Variants in APC2 observed in about 807,000 individuals in gnomAD.
APC2 encodes the protein adenomatous polyposis coli protein 2.
APC2 carries 41 observed loss-of-function variants against 72.5 expected under a neutral mutation model. The observed-to-expected ratio is 0.57, with a 90% CI of 0.44 to 0.73. APC2 has a LOEUF of 0.73. APC2 is among the 30% of genes least tolerant of loss of function. The pLI is 0.00. For missense variants in APC2, 3,729 were observed against 3,403.4 expected, an observed-to-expected ratio of 1.10 and a Z score of -2.38; for synonymous variants, 1,898 against 1,612.0, an observed-to-expected ratio of 1.18 and a Z score of -4.25.
chr19:1,469,190 G>A lies in APC2; in HGVS notation c.5889G>A (p.Pro1963=). ...PRGRAGTEAG[P]GARGGRLGLV... is the part of the protein sequence containing the mutation. ...GCCGGGCGGGGACCGAGGCGGGCCCGGGGGCGCGCGGGGGCCGCCTGGGCC... is the reference window on the plus strand; with the variant it reads ...GCCGGGCGGGGACCGAGGCGGGCCCAGGGGCGCGCGGGGGCCGCCTGGGCC... The change falls in exon 15 of 15, where the codon CCG becomes CCA. Residue 1963 remains proline, a synonymous_variant. Coordinates refer to ENST00000590469, the MANE Select transcript of APC2 (RefSeq NM_005883.3). The A allele has an allele frequency of 7.8e-7, 1 of 1,285,626 alleles. No homozygotes were observed. The highest frequency in any genetic ancestry group is 9.8e-7 in the Non-Finnish European group (1 of 1,015,346). The allele number at this position is 1,285,626 out of a possible 1,614,324, so 79.6% of individuals were successfully genotyped here.
intron 2 of APC2, 37 bp from the exon 3 acceptor site, chr19:1,453,210 G>A (rs1309650904): frequency 1.4e-5 from 22 of 1,561,056 alleles, no homozygotes; most frequent in Middle Eastern, 1.7e-4. Context: ...CCAGTGCAGT[G>A]GCTGATGGCT....
Position 1,453,260 on chromosome 19 carries a change from A to G in APC2, c.155A>G (p.His52Arg). Reference protein sequence around the residue: ...ETSGMKEVLKHLQGKLEQEAR... With the variant: ...ETSGMKEVLKRLQGKLEQEAR... ...CCGCCCCTGCAGGAGGTCCTGAAGC[A>G]CCTACAGGGAAAACTGGAGCAGGAG... The change falls in exon 3 of 15, where the codon CAC becomes CGC. Residue 52 changes from histidine (H) to arginine (R), a missense_variant. By Grantham distance (29) the His-to-Arg change is conservative. Transcript: ENST00000590469. 2.6e-6 allele frequency: 4 copies of G among 1,565,924 alleles called. No individual in the cohort carries two copies. The highest frequency in any genetic ancestry group is 2.6e-6 in the Non-Finnish European group (3 of 1,155,194).
In APC2 at chr19:1,469,187, C is replaced by T; in HGVS notation, c.5886C>T (p.Gly1962=). The change falls in exon 15 of 15, where the codon GGC becomes GGT. Residue 1962 remains glycine (G), a synonymous_variant. Transcript: ENST00000590469. The part of the protein sequence containing the change: ...GPRGRAGTEA[G]PGARGGRLGL... Reference sequence around the variant, plus strand: ...GGGGCCGGGCGGGGACCGAGGCGGGCCCGGGGGCGCGCGGGGGCCGCCTGG... The same window carrying T: ...GGGGCCGGGCGGGGACCGAGGCGGGTCCGGGGGCGCGCGGGGGCCGCCTGG... 1.5e-6 allele frequency: 2 copies of T among 1,291,008 alleles called. No homozygotes were observed. The highest frequency in any genetic ancestry group is 2.0e-6 in the Non-Finnish European group (2 of 1,018,902). The allele number at this position is 1,291,008 out of a possible 1,614,324, so 80.0% of individuals were successfully genotyped here.
rs1369385943 is a variant in APC2 at position 1,469,981 on chromosome 19, G to C, written c.6680G>C (p.Gly2227Ala). The change falls in exon 15 of 15, where the codon GGC becomes GCC. Residue 2227 changes from glycine (G) to alanine (A), a missense_variant. Gly to Ala is a moderately conservative substitution (Grantham distance 60). Transcript: ENST00000590469. ...GCCGGCGGCCAGCTCTCCCTCCTCG[G>C]CAGCGACGTGGACGGTCCCAGCCTC... ...APAGGQLSLL[G>A]SDVDGPSLAK... 8.5e-6 allele frequency: 13 copies of C among 1,526,190 alleles called. No individual in the cohort carries two copies. The highest frequency in any genetic ancestry group is 1.1e-5 in the Non-Finnish European group (13 of 1,142,000). The allele number at this position is 1,526,190 out of a possible 1,614,324, so 94.5% of individuals were successfully genotyped here.
rs1375604607 is a variant in APC2 at position 1,457,515 on chromosome 19, TTC to T, written c.1207+274_1207+275del. On this transcript the variant is annotated intron_variant, in intron 9 of 14. Transcript: ENST00000590469. ...GGAAAGTTGGGTGCAGACTTTGAGA[TTC>T]TTTTTTTGCAGTTGATCGCAAAGTT... is the stretch of plus-strand genomic sequence containing the variant. 6.0e-5 allele frequency: 33 copies of T among 547,402 alleles called. No individual in the cohort carries two copies. In the East Asian group the frequency reaches 1.0e-3, roughly 17 times the overall value. The allele number at this position is 547,402 out of a possible 1,614,324, so 33.9% of individuals were successfully genotyped here. A position where few individuals can be genotyped will look rare whatever the true frequency, so the allele number is the denominator to read the frequency against.
At chr19:1,458,260 G>C (rs565711332) in intron 10 of APC2, 200 bp downstream of exon 10, 19 of 602,380 alleles carry the variant, frequency 3.2e-5, no homozygotes, top group Middle Eastern at 4.4e-4. Flanking sequence ...CATGAGCTGC[G>C]TGTGGCCTCC....
chr19:1,464,700 T>G lies in APC2; in HGVS notation c.1854-455T>G, dbSNP rs1288349920. Among the ~76,000 whole-genome samples the G allele has an allele frequency of 2.1e-5, 3 of 145,550 alleles. No homozygotes were observed. The East Asian group carries it at 6.5e-4, about 32-fold the overall frequency. On this transcript the variant is annotated intron_variant, in intron 14 of 14. Coordinates refer to ENST00000590469, the MANE Select transcript of APC2 (RefSeq NM_005883.3). The stretch of plus-strand genomic sequence containing the variant: ...CAGGCTGGAGTGCAGTGGCGCGATC[T>G]CGGCTCACTGCAGCCTCTACCTCCC...
Position 1,469,193 on chromosome 19 carries a change from G to A in APC2, c.5892G>A (p.Gly1964=), listed in dbSNP as rs1380302232. The A allele has an allele frequency of 3.8e-6, 5 of 1,303,348 alleles. No individual in the cohort carries two copies. The highest frequency in any genetic ancestry group is 4.9e-6 in the Non-Finnish European group (5 of 1,024,972). 80.7% of individuals were successfully genotyped at this position (1,303,348 alleles called of 1,614,324 possible). The change falls in exon 15 of 15, where the codon GGG becomes GGA. Residue 1964 remains glycine, a synonymous_variant. Transcript: ENST00000590469. Reference sequence around the variant, plus strand: ...GGGCGGGGACCGAGGCGGGCCCGGGGGCGCGCGGGGGCCGCCTGGGCCTGG... The same window carrying A: ...GGGCGGGGACCGAGGCGGGCCCGGGAGCGCGCGGGGGCCGCCTGGGCCTGG... ...RGRAGTEAGP[G]ARGGRLGLVR... is the part of the protein sequence containing the mutation.
rs1317950905 is a variant in APC2, at chr19:1,454,717, C to G, written c.414-432C>G. Among the ~76,000 whole-genome samples the G allele has an allele frequency of 3.9e-5, 6 of 152,066 alleles. No individual in the cohort carries two copies. In the East Asian group the frequency reaches 9.6e-4, roughly 24 times the overall value. Reference sequence around the variant, plus strand: ...TAGCTGGGACTACAGGCACCCGCCACCACGCCCGGCTAATTTTGTTTTCGT... The same window carrying G: ...TAGCTGGGACTACAGGCACCCGCCAGCACGCCCGGCTAATTTTGTTTTCGT... On this transcript the variant is annotated intron_variant, in intron 4 of 14. Coordinates refer to ENST00000590469, the MANE Select transcript of APC2 (RefSeq NM_005883.3).
chr19:1,460,755 A>C (rs753167807), intron 11 of APC2, 25 bp from the exon 12 acceptor site: 2 of 1,607,848 alleles, frequency 1.2e-6, no homozygotes, highest in Non-Finnish European at 1.7e-6. Flanking sequence ...CAACCCCGTG[A>C]CCCCGGCTGC....
chr19:1,466,868 C>A lies in APC2; in HGVS notation c.3567C>A (p.Gly1189=), dbSNP rs747049794. The change falls in exon 15 of 15, where the codon GGC becomes GGA. Residue 1189 remains glycine, a synonymous_variant. Transcript: ENST00000590469. ...CCAGTGAACCTTGCAGCGGGCAGGG[C>A]AGCGGCACCATCAGCCCTAGCGAGC... ...SIPSEPCSGQ[G]SGTISPSELP... The A allele has an allele frequency of 6.4e-7, 1 of 1,563,796 alleles. No individual in the cohort carries two copies. The highest frequency in any genetic ancestry group is 2.4e-5 in the East Asian group (1 of 42,170).
upstream of APC2, chr19:1,446,438 G>T (rs1024475019): frequency 4.4e-6 from 4 of 900,142 alleles, no homozygotes; most frequent in Non-Finnish European, 4.0e-6. The surrounding 1 kb of genome is among the most constrained non-coding windows in gnomAD (Gnocchi z 6.1). Flanking sequence ...GCGGCGGGGG[G>T]CGCATGGGGC....
chr19:1,465,248 C>A lies in APC2; in HGVS notation c.1947C>A (p.Leu649=). 2 of 1,609,808 alleles carry A rather than the reference C, an allele frequency of 1.2e-6. No individual in the cohort carries two copies. Residue 649 remains leucine (L), a synonymous_variant, in exon 15 of 15, where the codon CTC becomes CTA. Transcript: ENST00000590469. Reference sequence around the variant, plus strand: ...TCGTGAGCAACGCGTGCGGCACGCTCTGGAACCTGTCGGCCCGCAGCGCCC... The same window carrying A: ...TCGTGAGCAACGCGTGCGGCACGCTATGGAACCTGTCGGCCCGCAGCGCCC... ...LTIVSNACGT[L]WNLSARSARD...
intron 14 of APC2, among the ~76,000 whole-genome samples, chr19:1,464,260 G>A (rs1335439272): frequency 2.6e-5 from 4 of 151,838 alleles, no homozygotes; most frequent in Non-Finnish European, 5.9e-5. Flanking sequence ...AGTGAGCGGA[G>A]ATCATGCCAC....
At chr19:1,461,548 GTC>G (rs2083922343) in intron 13 of APC2, 1 of 320,732 alleles carries the variant, frequency 3.1e-6, no homozygotes, top group Non-Finnish European at 5.8e-6. Flanking sequence ...GCAAGACTGC[GTC>G]TCAAAAAAAC....
intron 1 of APC2, among the ~76,000 whole-genome samples, chr19:1,450,980 G>A (rs1171613053): frequency 2.0e-5 from 3 of 152,178 alleles, no homozygotes; most frequent in South Asian, 2.1e-4. Context: ...TGGAGGAGTC[G>A]GAGCGTATCC....
chr19:1,462,334 A>G lies in APC2; in HGVS notation c.1853+157A>G, dbSNP rs552010502. 1.7e-4 allele frequency among the ~76,000 whole-genome samples: 26 copies of G among 152,314 alleles called. 1 individual carries two copies. The South Asian group carries it at 3.5e-3, about 21-fold the overall frequency. ...ACGTCCCAAATACTGCGTGAGATAT[A>G]CTAAAATGCAGACCTATTTATTACA... On this transcript the variant is annotated intron_variant, in intron 14 of 14. Transcript: ENST00000590469.
At position 1,466,851 on chromosome 19, in the gene APC2, C is replaced by A; in HGVS notation, c.3550C>A (p.Pro1184Thr). The change falls in exon 15 of 15, where the codon CCT becomes ACT. Residue 1184 changes from proline (P) to threonine (T), a missense_variant. Physicochemically the swap from Pro to Thr is conservative, Grantham distance 38. Coordinates refer to ENST00000590469, the MANE Select transcript of APC2 (RefSeq NM_005883.3). ...PSIASSIPSEPCSGQGSGTIS... is the reference protein window; with the variant it reads ...PSIASSIPSETCSGQGSGTIS... ...CATCGCCAGCTCCATCCCCAGTGAA[C>A]CTTGCAGCGGGCAGGGCAGCGGCAC... 6.4e-7 allele frequency: 1 copy of A among 1,560,392 alleles called. No homozygotes were observed. Among genetic ancestry groups the A allele is most frequent in the Non-Finnish European group, 8.7e-7 (1 of 1,153,512 alleles).
At position 1,452,353 on chromosome 19, in the gene APC2, C is replaced by G. The variant is rs1380926951; in HGVS notation, c.-18-631C>G. ...CTGAGCTCAGCCACCGATGGAGGGT[C>G]GTGGGGCTGCTGCGGTGATGGCGGT... On this transcript the variant is annotated intron_variant, in intron 1 of 14. Coordinates refer to ENST00000590469, the MANE Select transcript of APC2 (RefSeq NM_005883.3). This position sits in a 1 kb window ranked among gnomAD's most constrained non-coding sequence, Gnocchi z 5.1. The G allele has an allele frequency of 6.4e-6, 1 of 156,048 alleles. No individual in the cohort carries two copies. 9.7% of individuals were successfully genotyped at this position (156,048 alleles called of 1,614,324 possible).
Sources: allele counts gnomAD v4.1 joint callset (sites outside exome capture counted in the v4.1 genomes callset), GRCh38; gene constraint gnomAD v4.1.1; non-coding constraint Gnocchi (gnomAD v3.1); transcripts MANE v1.5; gene names NCBI Gene and HGNC (gene_info 2026-07-23, HGNC 2026-07-21).